OGFOD1: variants seen among roughly 807,000 people sequenced by gnomAD.
The protein encoded by OGFOD1 is 2-oxoglutarate and iron dependent oxygenase domain containing 1.
In OGFOD1, 54 loss-of-function variants were observed where a neutral mutation model predicts 67.7. The observed-to-expected ratio is 0.80, with a 90% CI of 0.64 to 1.00. OGFOD1 has a LOEUF of 1.00. Among genes scored for constraint, OGFOD1 ranks in the 50% least tolerant of loss-of-function variants. The pLI is 0.00. For missense variants in OGFOD1, 606 were observed against 646.7 expected (o/e 0.94, Z 0.68); for synonymous variants, 221 against 227.0 (o/e 0.97, Z 0.24).
intron 3 of OGFOD1, among the ~76,000 whole-genome samples, chr16:56,461,267 T>C (rs188465153): frequency 2.0e-5 from 3 of 152,322 alleles, no homozygotes; most frequent in Admixed American, 2.0e-4. Flanking sequence ...ACTTAATCAA[T>C]GATTCCTTCA....
intron 5 of OGFOD1, 22 bp downstream of exon 5, chr16:56,466,290 G>A (rs774689628): frequency 4.1e-5 from 60 of 1,467,468 alleles, no homozygotes; most frequent in Admixed American, 3.4e-5. Context: ...ATAAGTGCAT[G>A]CACTTCACCA....
At chr16:56,465,007 T>C (rs542361662) in intron 4 of OGFOD1, among the ~76,000 whole-genome samples, 15 of 152,008 alleles carry the variant, frequency 9.9e-5, no homozygotes, top group Middle Eastern at 3.4e-3. Flanking sequence ...GTATTTCTTT[T>C]TTTTTTTTTT....
chr16:56,476,512 A>AT lies in OGFOD1; in HGVS notation c.*308dup, dbSNP rs1374452093. 4.9e-6 allele frequency: 1 copy of AT among 203,558 alleles called. No homozygotes were observed. The highest frequency in any genetic ancestry group is 2.3e-5 in the African/African-American group (1 of 42,724). 12.6% of individuals were successfully genotyped at this position (203,558 alleles called of 1,614,324 possible). On this transcript the variant is annotated 3_prime_UTR_variant, in exon 13 of 13. Transcript: ENST00000566157. Reference sequence around the variant, plus strand: ...TTGTTTTTATTGAGGTAAAATATTTATAACATAAAACTGACCAGCTTACCC... The same window carrying AT: ...TTGTTTTTATTGAGGTAAAATATTTATTAACATAAAACTGACCAGCTTACCC...
chr16:56,466,969 T>C lies in OGFOD1; in HGVS notation c.657+2T>C, dbSNP rs1567550698. 1 of 1,601,914 alleles carries C rather than the reference T, an allele frequency of 6.2e-7. No individual in the cohort carries two copies. Among genetic ancestry groups the C allele is most frequent in the East Asian group, 2.2e-5 (1 of 44,834 alleles). On this transcript the variant is annotated splice_donor_variant, in intron 6 of 12. Coordinates refer to ENST00000566157, the MANE Select transcript of OGFOD1 (RefSeq NM_018233.4). LOFTEE classifies it high-confidence loss of function. The stretch of plus-strand genomic sequence containing the variant: ...GTATCTCCTGTGTCCTTTCACCAGG[T>C]AAAGACTGTAAGCCACAAATAGAGT...
At chr16:56,457,487 T>C (rs1962561421) in intron 2 of OGFOD1, among the ~76,000 whole-genome samples, 1 of 152,238 alleles carries the variant, frequency 6.6e-6, no homozygotes, top group Admixed American at 6.5e-5. Context: ...TCGCCCAACA[T>C]TGTGAATATA....
rs543954210 is a variant in OGFOD1, at chr16:56,461,622, G to C, written c.348-912G>C. Among the ~76,000 whole-genome samples the C allele has an allele frequency of 4.6e-5, 7 of 152,302 alleles. No individual in the cohort carries two copies. In the South Asian group the frequency reaches 1.0e-3, roughly 23 times the overall value. ...GTAATCAGTATCTGAAGTGGGGTTGGGGGAGAGGGCACACTGGGGGCAGTC... is the reference window on the plus strand; with the variant it reads ...GTAATCAGTATCTGAAGTGGGGTTGCGGGAGAGGGCACACTGGGGGCAGTC... On this transcript the variant is annotated intron_variant, in intron 3 of 12. Transcript: ENST00000566157.
At chr16:56,456,602 A>G (rs1242022247) in intron 2 of OGFOD1, among the ~76,000 whole-genome samples, 1 of 152,190 alleles carries the variant, frequency 6.6e-6, no homozygotes, top group Non-Finnish European at 1.5e-5. Context: ...AATACAGGCA[A>G]TCGCCACATG....
chr16:56,459,341 CAA>C (rs1290722013), intron 3 of OGFOD1, among the ~76,000 whole-genome samples: 20 of 103,136 alleles, frequency 1.9e-4, no homozygotes, highest in Admixed American at 2.1e-4. Flanking sequence ...GACTCCATCT[CAA>C]AAAAAAAAAA....
intron 4 of OGFOD1, 27 bp downstream of exon 4, chr16:56,462,661 G>T: frequency 7.3e-7 from 1 of 1,360,664 alleles, no homozygotes. Context: ...CCTGGTGTCT[G>T]TAAGATATAA....
intron 1 of OGFOD1, 142 bp from the exon 2 acceptor site, chr16:56,453,121 A>AT: frequency 2.6e-6 from 2 of 783,930 alleles, no homozygotes; most frequent in South Asian, 2.0e-5. Flanking sequence ...AGAGCTTATC[A>AT]TTTTTTCCCC....
Position 56,470,715 on chromosome 16 carries a change from G to C in OGFOD1, c.1209G>C (p.Gln403His). 6.2e-7 allele frequency: 1 copy of C among 1,614,062 alleles called. No individual in the cohort carries two copies. The highest frequency in any genetic ancestry group is 8.5e-7 in the Non-Finnish European group (1 of 1,179,990). Residue 403 changes from glutamine to histidine, a missense_variant, in exon 10 of 13, where the codon CAG becomes CAC. By Grantham distance (24) the Gln-to-His change is conservative (BLOSUM62 0). Coordinates refer to ENST00000566157, the MANE Select transcript of OGFOD1 (RefSeq NM_018233.4). ...GTCCTCCTGAGCCAGAGAATAATCA[G>C]ATGGCCATCAGCAACAACAGCCAAC... ...SHSPPEPENN[Q>H]MAISNNSQQS... is the part of the protein sequence containing the mutation.
At chr16:56,466,720 C>G (rs1962914854) in intron 5 of OGFOD1, 156 bp from the exon 6 acceptor site, 1 of 669,542 alleles carries the variant, frequency 1.5e-6, no homozygotes, top group African/African-American at 1.8e-5. Flanking sequence ...CGTAGTCAAA[C>G]TCGCAAGTAT....
intron 11 of OGFOD1, 70 bp from the exon 12 acceptor site, chr16:56,475,437 G>C: frequency 7.2e-7 from 1 of 1,386,914 alleles, no homozygotes; most frequent in Non-Finnish European, 1.0e-6. Context: ...CATGGGATCA[G>C]TGATTTAAGT....
rs1015383411 is a variant in OGFOD1, at chr16:56,478,031, A to G, written c.*1826A>G. On this transcript the variant is annotated 3_prime_UTR_variant, in exon 13 of 13. Transcript: ENST00000566157. ...ACACATGTAGTAATATTATTTCTAT[A>G]ACTTACTGTTATAAAACACTAATTT... 15 of 152,238 alleles carry G rather than the reference A, an allele frequency of 9.9e-5. No individual in the cohort carries two copies. The highest frequency in any genetic ancestry group is 2.9e-4 in the African/African-American group (12 of 41,454). The allele number at this position is 152,238 out of a possible 1,614,324, so 9.4% of individuals were successfully genotyped here.
intron 3 of OGFOD1, among the ~76,000 whole-genome samples, chr16:56,461,551 G>A (rs1962711014): frequency 6.6e-6 from 1 of 152,188 alleles, no homozygotes; most frequent in African/African-American, 2.4e-5. Flanking sequence ...TGAACCTCCA[G>A]TTTATAACTG....
rs140325180 is a variant in OGFOD1 at position 56,477,617 on chromosome 16, T to G, written c.*1412T>G. ...CAAGAGGCTGTGCATCTTGTTAATT[T>G]TTTTCTTGAACTGTTCCAGGGAGTT... On this transcript the variant is annotated 3_prime_UTR_variant, in exon 13 of 13. Transcript: ENST00000566157. 17 of 152,326 alleles carry G rather than the reference T, an allele frequency of 1.1e-4. No individual in the cohort carries two copies. Among genetic ancestry groups the G allele is most frequent in the Admixed American group, 7.8e-4 (12 of 15,294 alleles). The allele number at this position is 152,326 out of a possible 1,614,324, so 9.4% of individuals were successfully genotyped here.
intron 2 of OGFOD1, among the ~76,000 whole-genome samples, chr16:56,457,248 G>A (rs747624692): frequency 5.9e-5 from 9 of 152,220 alleles, no homozygotes; most frequent in Non-Finnish European, 1.3e-4. Flanking sequence ...AAGGAATGAC[G>A]TACTGATACT....
chr16:56,469,894 C>A, intron 8 of OGFOD1, 109 bp from the exon 9 acceptor site: 4 of 726,308 alleles, frequency 5.5e-6, no homozygotes, highest in Non-Finnish European at 9.2e-6. Flanking sequence ...TCAACTGCAC[C>A]TTTTAGGAAT....
chr16:56,471,953 C>CTG (rs1963210932), intron 10 of OGFOD1, among the ~76,000 whole-genome samples: 1 of 151,384 alleles, frequency 6.6e-6, no homozygotes, highest in Non-Finnish European at 1.5e-5. Flanking sequence ...TTATCCACTT[C>CTG]TGTTTGTTTG....
Sources: gnomAD v4.1 joint callset for allele counts (sites outside exome capture counted in the v4.1 genomes callset) on GRCh38, gnomAD v4.1.1 for gene constraint, MANE v1.5 for transcripts, NCBI Gene and HGNC (gene_info 2026-07-23, HGNC 2026-07-21) for gene names.